The following LOC128706666 variants were observed in gnomAD, a reference collection of about 807,000 sequenced individuals.
the LOC128706666 span, among the ~76,000 whole-genome samples, chr20:10,428,825 CAGAGCA>C: frequency 6.8e-6 from 1 of 146,086 alleles, no homozygotes; most frequent in Non-Finnish European, 1.5e-5. Flanking sequence ...GCCTAGGTGA[CAGAGCA>C]AGACTCCGTC....
chr20:10,414,366 A>C, the LOC128706666 span, among the ~76,000 whole-genome samples: 3 of 151,022 alleles, frequency 2.0e-5, no homozygotes, highest in South Asian at 6.3e-4. Flanking sequence ...CCTGGGTTCA[A>C]GCAATTCTCC....
chr20:10,419,394 A>G, the LOC128706666 span, among the ~76,000 whole-genome samples: 5 of 152,140 alleles, frequency 3.3e-5, no homozygotes, highest in Non-Finnish European at 7.4e-5. Flanking sequence ...GTATAACGCT[A>G]TATTATAGTA....
the LOC128706666 span, among the ~76,000 whole-genome samples, chr20:10,416,149 T>A: frequency 6.7e-6 from 1 of 148,352 alleles, no homozygotes; most frequent in African/African-American, 2.5e-5. Context: ...GCTTGGCAGA[T>A]GGGTTTTTGT....
At chr20:10,425,713 A>G in the LOC128706666 span, among the ~76,000 whole-genome samples, 14 of 152,374 alleles carry the variant, frequency 9.2e-5, no homozygotes, top group East Asian at 2.7e-3. Flanking sequence ...TTTGATGAGC[A>G]GTAACTGGTT....
At chr20:10,418,198 A>G in the LOC128706666 span, among the ~76,000 whole-genome samples, 2 of 152,252 alleles carry the variant, frequency 1.3e-5, no homozygotes, top group African/African-American at 4.8e-5. Flanking sequence ...GATTTGATTT[A>G]AAATATTCTA....
the LOC128706666 span, among the ~76,000 whole-genome samples, chr20:10,419,682 C>T: frequency 2.0e-5 from 3 of 152,148 alleles, no homozygotes; most frequent in Non-Finnish European, 4.4e-5. Context: ...TGAACATAAG[C>T]GCGGAGATAC....
the LOC128706666 span, among the ~76,000 whole-genome samples, chr20:10,415,824 G>T: frequency 6.6e-6 from 1 of 152,148 alleles, no homozygotes; most frequent in African/African-American, 2.4e-5. Context: ...TCTTACAGTA[G>T]TGAGACCAGT....
chr20:10,427,010 G>T, the LOC128706666 span, among the ~76,000 whole-genome samples: 1 of 114,776 alleles, frequency 8.7e-6, no homozygotes, highest in East Asian at 2.5e-4. Context: ...TAGCTTAAAG[G>T]CCAAGAAAAG....
At chr20:10,428,344 G>C in the LOC128706666 span, among the ~76,000 whole-genome samples, 2 of 152,178 alleles carry the variant, frequency 1.3e-5, no homozygotes, top group Non-Finnish European at 2.9e-5. Context: ...TGGGCCTTTA[G>C]TGCTACAGCA....
the LOC128706666 span, among the ~76,000 whole-genome samples, chr20:10,419,265 G>A: frequency 1.3e-5 from 2 of 151,936 alleles, no homozygotes; most frequent in Non-Finnish European, 2.9e-5. Context: ...CAATTACAGG[G>A]TCACAGTTCT....
At chr20:10,418,671 T>G in the LOC128706666 span, among the ~76,000 whole-genome samples, 5 of 152,154 alleles carry the variant, frequency 3.3e-5, no homozygotes, top group Non-Finnish European at 5.9e-5. Flanking sequence ...AGCTCTATTT[T>G]TCCTCCAAGA....
chr20:10,420,895 T>G, the LOC128706666 span: 71 of 152,312 alleles, frequency 4.7e-4, no homozygotes, highest in Non-Finnish European at 8.4e-4. Flanking sequence ...TTATAATACA[T>G]TGCAATGTTA....
the LOC128706666 span, among the ~76,000 whole-genome samples, chr20:10,429,258 G>C: frequency 9.9e-3 from 1,512 of 152,238 alleles, 16 homozygotes; most frequent in Non-Finnish European, 0.014. Flanking sequence ...GCCTTTTGAT[G>C]TGTTCTTGAG....
chr20:10,424,293 C>T, the LOC128706666 span, among the ~76,000 whole-genome samples: 4 of 151,938 alleles, frequency 2.6e-5, no homozygotes, highest in African/African-American at 9.7e-5. Context: ...CAGTGGCTCA[C>T]ACCTGTTACC....
the LOC128706666 span, among the ~76,000 whole-genome samples, chr20:10,431,110 A>G: frequency 6.6e-6 from 1 of 152,210 alleles, no homozygotes; most frequent in Admixed American, 6.5e-5. Flanking sequence ...AGTGCTCAAT[A>G]CACGGCAGCC....
chr20:10,415,652 A>G, the LOC128706666 span, among the ~76,000 whole-genome samples: 2 of 152,240 alleles, frequency 1.3e-5, no homozygotes, highest in Non-Finnish European at 2.9e-5. Context: ...GAAACCTCAC[A>G]AAGTGACTTC....
the LOC128706666 span, among the ~76,000 whole-genome samples, chr20:10,415,138 TTAA>T: frequency 3.3e-5 from 5 of 152,204 alleles, no homozygotes; most frequent in African/African-American, 1.2e-4. Flanking sequence ...TCCTGACACA[TTAA>T]TAATAATGTG....
At chr20:10,420,952 A>G in the LOC128706666 span, among the ~76,000 whole-genome samples, 9 of 152,354 alleles carry the variant, frequency 5.9e-5, no homozygotes, top group South Asian at 1.4e-3. Flanking sequence ...GCAGGCAGTC[A>G]GCCTTGGGAA....
At chr20:10,422,432 C>A in the LOC128706666 span, among the ~76,000 whole-genome samples, 1 of 151,882 alleles carries the variant, frequency 6.6e-6, no homozygotes, top group Non-Finnish European at 1.5e-5. Context: ...ATTGTGAAGT[C>A]CAAAGGCAAA....
Sources: allele counts gnomAD v4.1 joint callset (sites outside exome capture counted in the v4.1 genomes callset), GRCh38; gene constraint gnomAD v4.1.1; transcripts MANE v1.5.